The following TLN2 variants were observed in gnomAD, a reference collection of about 807,000 sequenced individuals.
The protein encoded by TLN2 is talin-2.
TLN2 carries 118 observed loss-of-function variants against 294.7 expected under a neutral mutation model. The observed-to-expected ratio is 0.40, with a 90% CI of 0.34 to 0.47. The LOEUF is 0.47. Among genes scored for constraint, TLN2 ranks in the 20% least tolerant of loss-of-function variants. TLN2 has a pLI of 0.84. For synonymous variants in TLN2, 1,431 were observed against 1,304.5 expected (o/e 1.10, Z -2.09); for missense variants, 3,083 against 3,282.2 (o/e 0.94, Z 1.48).
intron 1 of TLN2, among the ~76,000 whole-genome samples, chr15:62,493,862 C>T (rs530721240): frequency 1.3e-5 from 2 of 152,014 alleles, no homozygotes; most frequent in African/African-American, 4.8e-5. Context: ...CCACCCACCT[C>T]GGCCTCCCAA....
At chr15:62,706,983 C>T in intron 19 of TLN2, 103 bp from the exon 20 acceptor site, 2 of 1,360,770 alleles carry the variant, frequency 1.5e-6, no homozygotes, top group Non-Finnish European at 2.0e-6. Context: ...TTCTAAAGTA[C>T]TGAAGGAAAA....
chr15:62,661,534 G>A (rs937697818), intron 9 of TLN2, among the ~76,000 whole-genome samples: 1 of 152,030 alleles, frequency 6.6e-6, no homozygotes, highest in Non-Finnish European at 1.5e-5. Flanking sequence ...AGTGCAGGGC[G>A]GCTTATGGAA....
intron 1 of TLN2, among the ~76,000 whole-genome samples, chr15:62,562,530 C>CATTTATTTATTTATTTATTTATTT (rs34080138): frequency 2.5e-4 from 38 of 150,222 alleles, no homozygotes; most frequent in African/African-American, 9.1e-4. Flanking sequence ...ATCTCTCCTC[C>CATTTATTTATTTATTTATTTATTT]ATTTATTTAT....
intron 3 of TLN2, chr15:62,637,463 A>C (rs918154351): frequency 1.4e-4 from 21 of 152,016 alleles, no homozygotes; most frequent in African/African-American, 5.1e-4. Flanking sequence ...AGATTGCTCG[A>C]GAGCTGACAC....
chr15:62,657,154 G>GC (rs1035993143), intron 8 of TLN2, among the ~76,000 whole-genome samples: 4 of 6,952 alleles, frequency 5.8e-4, no homozygotes, highest in African/African-American at 6.7e-4. Context: ...CTGAAAAGGT[G>GC]GGGGGGGGAA....
chr15:62,746,152 A>AC (rs2061596862), intron 32 of TLN2, among the ~76,000 whole-genome samples: 1 of 135,504 alleles, frequency 7.4e-6, no homozygotes. Flanking sequence ...TATAGCAACA[A>AC]GGTTTTTTAA....
At chr15:62,451,158 G>T (rs1032672134) in intron 1 of TLN2, among the ~76,000 whole-genome samples, 2 of 152,128 alleles carry the variant, frequency 1.3e-5, no homozygotes, top group African/African-American at 4.8e-5. Context: ...CACTACTGCA[G>T]ACCCAGAGCA....
At chr15:62,552,005 C>T (rs1415629287) in intron 1 of TLN2, among the ~76,000 whole-genome samples, 1 of 152,198 alleles carries the variant, frequency 6.6e-6, no homozygotes, top group Non-Finnish European at 1.5e-5. Context: ...CTTTATTCGT[C>T]AGTTAGCCCA....
intron 44 of TLN2, among the ~76,000 whole-genome samples, chr15:62,781,880 T>C (rs1002209801): frequency 1.3e-5 from 2 of 152,234 alleles, no homozygotes; most frequent in Non-Finnish European, 2.9e-5. Context: ...CTGTATTATA[T>C]AGATTCTTAG....
chr15:62,701,242 T>C (rs571896971), intron 17 of TLN2, 28 bp downstream of exon 17: 15 of 1,548,606 alleles, frequency 9.7e-6, no homozygotes, highest in East Asian at 6.7e-5. Flanking sequence ...TTGTGCTGCA[T>C]TGGGGTTTTG....
intron 21 of TLN2, among the ~76,000 whole-genome samples, chr15:62,711,044 C>T (rs1042328671): frequency 6.6e-6 from 1 of 151,952 alleles, no homozygotes. Flanking sequence ...GTCCTTTTAC[C>T]GTCTCGGGAT....
At chr15:62,717,553 A>C in intron 23 of TLN2, 23 bp from the exon 24 acceptor site, 2 of 1,494,868 alleles carry the variant, frequency 1.3e-6, no homozygotes, top group Non-Finnish European at 1.8e-6. Context: ...GCAGATCCTG[A>C]CTCATCTATC....
chr15:62,811,245 C>T (rs1044198018), intron 52 of TLN2, among the ~76,000 whole-genome samples: 1 of 152,228 alleles, frequency 6.6e-6, no homozygotes, highest in African/African-American at 2.4e-5. Context: ...AGTAGCCAGT[C>T]TGGGGTCACT....
Position 62,739,450 on chromosome 15 carries a change from G to C in TLN2, c.3790G>C (p.Gly1264Arg), listed in dbSNP as rs373940039. 6 of 1,614,168 alleles carry C rather than the reference G, an allele frequency of 3.7e-6. No homozygotes were observed. Among genetic ancestry groups the C allele is most frequent in the Non-Finnish European group, 5.1e-6 (6 of 1,180,040 alleles). The change falls in exon 31 of 59, where the codon GGC becomes CGC. Residue 1264 changes from glycine to arginine, a missense_variant. By Grantham distance (125) the Gly-to-Arg change is moderately radical. Coordinates refer to ENST00000636159, the MANE Select transcript of TLN2 (RefSeq NM_015059.3). ...SAGEVVHATRGQSGELAAASG... is the reference protein window; with the variant it reads ...SAGEVVHATRRQSGELAAASG... ...TGGGGAAGTGGTCCATGCCACCCGG[G>C]GCCAGAGTGGAGAGTTGGCTGCAGC...
At chr15:62,814,531 C>A (rs1300196782) in intron 52 of TLN2, among the ~76,000 whole-genome samples, 1 of 151,814 alleles carries the variant, frequency 6.6e-6, no homozygotes, top group African/African-American at 2.4e-5. Flanking sequence ...GTGACAAGTG[C>A]TGATGGCTCT....
intron 12 of TLN2, among the ~76,000 whole-genome samples, chr15:62,690,011 G>A (rs1356717414): frequency 2.2e-4 from 10 of 45,678 alleles, no homozygotes; most frequent in African/African-American, 6.3e-4. Flanking sequence ...GGCTGGCCGG[G>A]CAGAGGGGCT....
At chr15:62,457,428 T>A (rs886525213) in intron 1 of TLN2, among the ~76,000 whole-genome samples, 1 of 152,184 alleles carries the variant, frequency 6.6e-6, no homozygotes, top group Non-Finnish European at 1.5e-5. Flanking sequence ...CATAAGAGTT[T>A]GGAGGGACAT....
At chr15:62,803,062 G>A (rs2066040669) in intron 50 of TLN2, among the ~76,000 whole-genome samples, 1 of 152,104 alleles carries the variant, frequency 6.6e-6, no homozygotes. Context: ...TTAACTTGAT[G>A]TAATCCCATT....
At chr15:62,454,580 T>C (rs901531962) in intron 1 of TLN2, among the ~76,000 whole-genome samples, 2 of 152,060 alleles carry the variant, frequency 1.3e-5, no homozygotes, top group Admixed American at 1.3e-4. Flanking sequence ...TTAGAGCAAG[T>C]GTATCAAGAA....
Sources: allele counts gnomAD v4.1 joint callset (sites outside exome capture counted in the v4.1 genomes callset), GRCh38; gene constraint gnomAD v4.1.1; transcripts MANE v1.5; gene names NCBI Gene and HGNC (gene_info 2026-07-23, HGNC 2026-07-21).